The following SLCO5A1 variants were observed in gnomAD, a reference collection of about 807,000 sequenced individuals.
SLCO5A1 encodes the protein organic anion transporter polypeptide-related protein 4.
Under a neutral mutation model 65.1 loss-of-function variants are expected in SLCO5A1, and 39 were observed. The observed-to-expected ratio is 0.60, with a 90% CI of 0.46 to 0.78. The LOEUF (loss-of-function observed/expected upper bound fraction) is 0.78. SLCO5A1 is among the 30% of genes least tolerant of loss of function. The probability of loss-of-function intolerance (pLI) is 0.00; values close to 1 mark genes in which losing one functional copy is unlikely to be tolerated. For missense variants in SLCO5A1, 1,029 were observed against 1,069.4 expected (o/e 0.96, Z 0.53); for synonymous variants, 438 against 415.7 (o/e 1.05, Z -0.65).
chr8:69,673,338 G>C lies in SLCO5A1; in HGVS notation c.2090-12C>G, dbSNP rs1563652824. 1 of 1,599,452 alleles carries C rather than the reference G, an allele frequency of 6.3e-7. No homozygotes were observed. Among genetic ancestry groups the C allele is most frequent in the East Asian group, 2.2e-5 (1 of 44,624 alleles). On this transcript the variant is annotated splice_polypyrimidine_tract_variant and intron_variant, in intron 9 of 9. Coordinates refer to ENST00000260126, the MANE Select transcript of SLCO5A1 (RefSeq NM_030958.3). ...AGTAGGAATGTATGCTAGAGGGGTGGAGAAGAAGAAAATACGAAGACTTAG... is the reference window on the plus strand; with the variant it reads ...AGTAGGAATGTATGCTAGAGGGGTGCAGAAGAAGAAAATACGAAGACTTAG...
intron 5 of SLCO5A1, among the ~76,000 whole-genome samples, chr8:69,719,030 T>C (rs957832487): frequency 6.6e-6 from 1 of 152,146 alleles, no homozygotes; most frequent in Admixed American, 6.5e-5. Flanking sequence ...TAAATGATAC[T>C]CCAGTTGTAC....
chr8:69,682,677 G>A (rs969765098), intron 6 of SLCO5A1, among the ~76,000 whole-genome samples: 6 of 152,074 alleles, frequency 3.9e-5, no homozygotes, highest in African/African-American at 1.4e-4. Flanking sequence ...ACTTACTGTA[G>A]GCGCCAGGCT....
intron 3 of SLCO5A1, 102 bp downstream of exon 3, chr8:69,761,641 A>AT (rs771961039): frequency 3.8e-6 from 5 of 1,321,226 alleles, no homozygotes; most frequent in Non-Finnish European, 5.2e-6. Flanking sequence ...CCTTTCAGCT[A>AT]TTTTTTGTCT....
intron 6 of SLCO5A1, among the ~76,000 whole-genome samples, chr8:69,689,644 G>A (rs1814156086): frequency 7.2e-6 from 1 of 138,166 alleles, no homozygotes; most frequent in Non-Finnish European, 1.5e-5. Context: ...AGATCAGATA[G>A]TTGTAGATAT....
intron 2 of SLCO5A1, among the ~76,000 whole-genome samples, chr8:69,768,059 TGC>T (rs761015678): frequency 1.3e-5 from 2 of 149,756 alleles, no homozygotes; most frequent in Non-Finnish European, 3.0e-5. Context: ...ATGGCAAAAC[TGC>T]ATCTCTACCA....
chr8:69,689,907 T>A (rs964519930), intron 6 of SLCO5A1, among the ~76,000 whole-genome samples: 1 of 152,202 alleles, frequency 6.6e-6, no homozygotes, highest in Non-Finnish European at 1.5e-5. Flanking sequence ...GGGATGGCAT[T>A]GAATCTATAA....
At chr8:69,679,264 A>T (rs1307009477) in intron 8 of SLCO5A1, 114 bp downstream of exon 8, 1 of 1,439,118 alleles carries the variant, frequency 6.9e-7, no homozygotes, top group Non-Finnish European at 9.5e-7. Flanking sequence ...GCCCTCCTGC[A>T]CATGCTAATT....
chr8:69,705,009 A>G, intron 6 of SLCO5A1, 22 bp downstream of exon 6: 2 of 1,603,612 alleles, frequency 1.2e-6, no homozygotes, highest in Non-Finnish European at 1.7e-6. Flanking sequence ...CAGACACGAC[A>G]CGGCTCTTAA....
At chr8:69,723,358 C>A (rs1815916988) in intron 5 of SLCO5A1, among the ~76,000 whole-genome samples, 1 of 151,950 alleles carries the variant, frequency 6.6e-6, no homozygotes, top group Non-Finnish European at 1.5e-5. Context: ...TTCAAGCAAT[C>A]CTCCCACCTC....
chr8:69,781,053 AT>A (rs1318845683), intron 2 of SLCO5A1, among the ~76,000 whole-genome samples: 12 of 152,230 alleles, frequency 7.9e-5, no homozygotes, highest in Non-Finnish European at 1.5e-5. Context: ...GTTGCATACC[AT>A]TTACTTCAGT....
At chr8:69,771,290 T>G (rs556221956) in intron 2 of SLCO5A1, among the ~76,000 whole-genome samples, 1 of 152,224 alleles carries the variant, frequency 6.6e-6, no homozygotes, top group African/African-American at 2.4e-5. Context: ...CACCTGATCT[T>G]ACATCATTTT....
Position 69,773,028 on chromosome 8 carries a change from G to T in SLCO5A1, c.908-11153C>A, listed in dbSNP as rs1401798704. The T allele has an allele frequency of 3.3e-6, 3 of 903,720 alleles. No individual in the cohort carries two copies. The African/African-American group carries it at 5.4e-5, about 16-fold the overall frequency. 56.0% of individuals were successfully genotyped at this position (903,720 alleles called of 1,614,324 possible). ...TAGTTGGGGAGGGAGGACAGAGAAGGCTTCATGGATGCTAGACACTAAAGG... is the reference window on the plus strand; with the variant it reads ...TAGTTGGGGAGGGAGGACAGAGAAGTCTTCATGGATGCTAGACACTAAAGG... On this transcript the variant is annotated intron_variant, in intron 2 of 9. Coordinates refer to ENST00000260126, the MANE Select transcript of SLCO5A1 (RefSeq NM_030958.3).
chr8:69,784,916 A>C (rs916021601), intron 2 of SLCO5A1, among the ~76,000 whole-genome samples: 2 of 121,564 alleles, frequency 1.6e-5, no homozygotes, highest in Non-Finnish European at 3.4e-5. Flanking sequence ...GAAAGAAAGA[A>C]AGAAAGAAAG....
At chr8:69,797,377 A>G (rs1178279323) in intron 2 of SLCO5A1, among the ~76,000 whole-genome samples, 1 of 152,220 alleles carries the variant, frequency 6.6e-6, no homozygotes. Context: ...TTGTTTGTAG[A>G]GCATGTGTGT....
chr8:69,766,542 T>C (rs1297909321), intron 2 of SLCO5A1, among the ~76,000 whole-genome samples: 2 of 152,152 alleles, frequency 1.3e-5, no homozygotes, highest in Non-Finnish European at 2.9e-5. Flanking sequence ...TGTGTGTGCA[T>C]GTGTGTGTTT....
Position 69,832,963 on chromosome 8 carries a change from C to A in SLCO5A1, c.-290G>T. ...TCCCTCTCCGGGCGGTAGCTTGAGGCAGGCGCCTCGCGCGTCCCGGGCTCA... is the reference window on the plus strand; with the variant it reads ...TCCCTCTCCGGGCGGTAGCTTGAGGAAGGCGCCTCGCGCGTCCCGGGCTCA... On this transcript the variant is annotated 5_prime_UTR_variant, in exon 2 of 10. Transcript: ENST00000260126. The surrounding 1 kb of genome is among the most constrained non-coding windows in gnomAD (Gnocchi z 4.5). 2.5e-6 allele frequency: 1 copy of A among 408,020 alleles called. No individual in the cohort carries two copies. Among genetic ancestry groups the A allele is most frequent in the Non-Finnish European group, 4.3e-6 (1 of 235,110 alleles). 25.3% of individuals were successfully genotyped at this position (408,020 alleles called of 1,614,324 possible). A position where few individuals can be genotyped will look rare whatever the true frequency, so the allele number is the denominator to read the frequency against.
In SLCO5A1 at chr8:69,762,180, TTCTTTCTTTC is replaced by T. The variant is rs1209665491; in HGVS notation, c.908-315_908-306del. On this transcript the variant is annotated intron_variant, in intron 2 of 9. Coordinates refer to ENST00000260126, the MANE Select transcript of SLCO5A1 (RefSeq NM_030958.3). ...TTTCTTTCTTTCTTTCTTTCTTTCT[TTCTTTCTTTC>T]TTTCTTTCTTTTTTGAGACAGAGTC... is the stretch of plus-strand genomic sequence containing the variant. Among the ~76,000 whole-genome samples the T allele has an allele frequency of 1.7e-3, 158 of 95,164 alleles. 5 individuals are homozygous for T. The highest frequency in any genetic ancestry group is 5.4e-3 in the African/African-American group (151 of 28,052). The allele number at this position is 95,164 out of a possible 152,430, so 62.4% of individuals were successfully genotyped here.
intron 9 of SLCO5A1, among the ~76,000 whole-genome samples, chr8:69,673,932 A>C (rs921295098): frequency 6.6e-6 from 1 of 152,222 alleles, no homozygotes; most frequent in Non-Finnish European, 1.5e-5. Context: ...TTCATCTTTG[A>C]AGTTTGTGAA....
At chr8:69,764,705 C>T (rs536228581) in intron 2 of SLCO5A1, among the ~76,000 whole-genome samples, 5 of 152,138 alleles carry the variant, frequency 3.3e-5, no homozygotes, top group Non-Finnish European at 4.4e-5. Context: ...TATTCCCATA[C>T]GCATATGAAG....
Sources: allele counts gnomAD v4.1 joint callset (sites outside exome capture counted in the v4.1 genomes callset), GRCh38; gene constraint gnomAD v4.1.1; non-coding constraint Gnocchi (gnomAD v3.1); transcripts MANE v1.5; gene names NCBI Gene and HGNC (gene_info 2026-07-23, HGNC 2026-07-21).